MED15: variants seen among roughly 807,000 people sequenced by gnomAD.
The protein encoded by MED15 is mediator of RNA polymerase II transcription subunit 15.
MED15 carries 41 observed loss-of-function variants against 118.7 expected under a neutral mutation model. The ratio of observed to expected loss-of-function variants is 0.35; its 90% CI spans 0.27 to 0.45. The LOEUF is 0.45. Among genes scored for constraint, MED15 ranks in the 20% least tolerant of loss-of-function variants. MED15 has a pLI of 1.00. For synonymous variants in MED15, 436 were observed against 413.9 expected, an observed-to-expected ratio of 1.05 and a Z score of -0.65; for missense variants, 740 against 1,025.5, an observed-to-expected ratio of 0.72 and a Z score of 3.80.
At chr22:20,585,070 GC>G in intron 15 of MED15, 30 bp from the exon 16 acceptor site, 1 of 1,613,428 alleles carries the variant, frequency 6.2e-7, no homozygotes, top group African/African-American at 1.3e-5. Flanking sequence ...GGCCGCGTGT[GC>G]CAGGTGTGGT....
chr22:20,550,245 A>G (rs907650855), intron 2 of MED15, among the ~76,000 whole-genome samples: 2 of 152,060 alleles, frequency 1.3e-5, no homozygotes, highest in Non-Finnish European at 2.9e-5. Context: ...CTTTCCTATC[A>G]GTAATTGATG....
chr22:20,573,667 T>C (rs999544355), intron 8 of MED15: 3 of 152,250 alleles, frequency 2.0e-5, no homozygotes, highest in African/African-American at 7.2e-5. Flanking sequence ...TTCTCAGTTA[T>C]AAGAACATCA....
In MED15 at chr22:20,584,903, T is replaced by C. The variant is rs1442981270; in HGVS notation, c.1852T>C (p.Cys618Arg). ...PVPPTKQQYLCQPLLDAVLAN... is the reference protein window; with the variant it reads ...PVPPTKQQYLRQPLLDAVLAN... ...GCCACCGACCAAACAGCAGTACCTA[T>C]GCCAGCCGCTCCTGGATGCCGTCCT... Residue 618 changes from cysteine to arginine, a missense_variant, in exon 15 of 18, where the codon TGC becomes CGC. Physicochemically the swap from Cys to Arg is radical, Grantham distance 180. Transcript: ENST00000263205. 5 of 1,613,592 alleles carry C rather than the reference T, an allele frequency of 3.1e-6. No individual in the cohort carries two copies. Among genetic ancestry groups the C allele is most frequent in the Non-Finnish European group, 4.2e-6 (5 of 1,179,942 alleles).
intron 8 of MED15, among the ~76,000 whole-genome samples, chr22:20,569,416 T>C (rs2056561442): frequency 6.6e-6 from 1 of 152,152 alleles, no homozygotes; most frequent in African/African-American, 2.4e-5. Context: ...TGCTAGTTGA[T>C]GTGGTAAGAC....
chr22:20,566,532 G>A lies in MED15; in HGVS notation c.756G>A (p.Gln252=), dbSNP rs368721341. Reference sequence around the variant, plus strand: ...TGCAGCTCCAACAACAGCAACAGCAGCAGCAGCAGCAGCAGCAGCAGCAGC... The same window carrying A: ...TGCAGCTCCAACAACAGCAACAGCAACAGCAGCAGCAGCAGCAGCAGCAGC... ...AQLQLQQQQQ[Q]QQQQQQQQQQ... Residue 252 remains glutamine (Q), a synonymous_variant, in exon 7 of 18, where the codon CAG becomes CAA. Transcript: ENST00000263205. 9.8e-6 allele frequency: 15 copies of A among 1,533,640 alleles called. No individual in the cohort carries two copies. Among genetic ancestry groups the A allele is most frequent in the Non-Finnish European group, 1.3e-5 (15 of 1,119,734 alleles).
Position 20,566,517 on chromosome 22 carries a change from A to G in MED15, c.741A>G (p.Gln247=), listed in dbSNP as rs1569229610. The G allele has an allele frequency of 1.9e-6, 3 of 1,602,624 alleles. No homozygotes were observed. Among genetic ancestry groups the G allele is most frequent in the African/African-American group, 1.4e-5 (1 of 73,900 alleles). Reference sequence around the variant, plus strand: ...AGCGAATAGCACAGCTGCAGCTCCAACAACAGCAACAGCAGCAGCAGCAGC... The same window carrying G: ...AGCGAATAGCACAGCTGCAGCTCCAGCAACAGCAACAGCAGCAGCAGCAGC... ...QLQRIAQLQL[Q]QQQQQQQQQQ... The change falls in exon 7 of 18, where the codon CAA becomes CAG. Residue 247 remains glutamine, a synonymous_variant. Transcript: ENST00000263205.
At chr22:20,523,046 T>G (rs2054517150) in intron 1 of MED15, 1 of 152,234 alleles carries the variant, frequency 6.6e-6, no homozygotes, top group African/African-American at 2.4e-5. Context: ...AGGAAGGTGT[T>G]TTCCATACTC....
intron 1 of MED15, among the ~76,000 whole-genome samples, chr22:20,521,530 C>G (rs965110332): frequency 6.7e-6 from 1 of 149,314 alleles, no homozygotes; most frequent in Admixed American, 6.7e-5. Context: ...ACTACAGGCG[C>G]CCATCACCAC....
rs531593793 is a variant in MED15, at chr22:20,507,896, C to T, written c.68+150C>T. On this transcript the variant is annotated intron_variant, in intron 1 of 17. Coordinates refer to ENST00000263205, the MANE Select transcript of MED15 (RefSeq NM_001003891.3). ...GTGGGTCCCAGGGCTCGGGCCCCCC[C>T]GTCTGTCCCCTCCGTTCCCGACATG... is the stretch of plus-strand genomic sequence containing the variant. 54 of 1,474,094 alleles carry T rather than the reference C, an allele frequency of 3.7e-5. No homozygotes were observed. The African/African-American group carries it at 6.0e-4, about 16-fold the overall frequency. The allele number at this position is 1,474,094 out of a possible 1,614,324, so 91.3% of individuals were successfully genotyped here. A position where few individuals can be genotyped will look rare whatever the true frequency, so the allele number is the denominator to read the frequency against.
At chr22:20,551,812 C>T (rs573692740) in intron 3 of MED15, 132 of 361,604 alleles carry the variant, frequency 3.7e-4, no homozygotes, top group African/African-American at 2.6e-3. Context: ...TTCTGTTTAC[C>T]CTGGAACAGA....
At chr22:20,525,983 C>T (rs573533409) in intron 1 of MED15, among the ~76,000 whole-genome samples, 8 of 151,470 alleles carry the variant, frequency 5.3e-5, no homozygotes, top group South Asian at 2.1e-4. Context: ...TGTAGTGGCA[C>T]GATTTTGGCT....
rs57852873 is a variant in MED15, at chr22:20,547,692, C to T, written c.157-3744C>T. On this transcript the variant is annotated intron_variant, in intron 2 of 17. Transcript: ENST00000263205. ...AAAATTAGCCAGACGTGGTGGCAGG[C>T]GCCTGTAGTGCCAGCTACTTGGGAG... Among the ~76,000 whole-genome samples, 939 of 152,178 alleles carry T rather than the reference C, an allele frequency of 6.2e-3. 10 individuals carry two copies. The highest frequency in any genetic ancestry group is 0.021 in the African/African-American group (892 of 41,534).
chr22:20,564,550 G>A lies in MED15; in HGVS notation c.552G>A (p.Gln184=), dbSNP rs1236738125. ...QAALQQQQQQ[Q]QQQQFQAQQS... Reference sequence around the variant, plus strand: ...CGCTACAGCAGCAGCAGCAGCAGCAGCAACAGCAGCAGTTCCAGGCTCAGC... The same window carrying A: ...CGCTACAGCAGCAGCAGCAGCAGCAACAACAGCAGCAGTTCCAGGCTCAGC... Residue 184 remains glutamine (Q), a synonymous_variant, in exon 6 of 18, where the codon CAG becomes CAA. Coordinates refer to ENST00000263205, the MANE Select transcript of MED15 (RefSeq NM_001003891.3). The A allele has an allele frequency of 1.3e-5, 21 of 1,591,736 alleles. No individual in the cohort carries two copies. The highest frequency in any genetic ancestry group is 6.7e-5 in the East Asian group (3 of 44,636).
chr22:20,552,602 G>C, intron 3 of MED15: 1 of 427,552 alleles, frequency 2.3e-6, no homozygotes, highest in East Asian at 8.0e-5. Context: ...AAGCAGCCGA[G>C]CAGGAGGCTC....
At chr22:20,577,264 C>G (rs1037744005) in intron 9 of MED15, among the ~76,000 whole-genome samples, 2 of 152,150 alleles carry the variant, frequency 1.3e-5, no homozygotes, top group Non-Finnish European at 2.9e-5. Flanking sequence ...ACTGGGCACT[C>G]CTGGGTGGGC....
At chr22:20,581,177 C>T (rs1400294246) in intron 9 of MED15, among the ~76,000 whole-genome samples, 4 of 152,228 alleles carry the variant, frequency 2.6e-5, no homozygotes, top group Non-Finnish European at 5.9e-5. Flanking sequence ...ACCCAGCATC[C>T]CTTGCAGCAC....
chr22:20,587,464 C>T lies in MED15; in HGVS notation c.*760C>T, dbSNP rs1397103124. On this transcript the variant is annotated 3_prime_UTR_variant, in exon 18 of 18. Transcript: ENST00000263205. The stretch of plus-strand genomic sequence containing the variant: ...CCACACACTGAGCACCCAGAGACAG[C>T]GGGCCTGGCAGCGGGCCGGGCCATG... The T allele has an allele frequency of 9.7e-6, 2 of 206,248 alleles. No individual in the cohort carries two copies. The highest frequency in any genetic ancestry group is 9.9e-6 in the Non-Finnish European group (1 of 101,140). The allele number at this position is 206,248 out of a possible 1,614,324, so 12.8% of individuals were successfully genotyped here.
rs944311082 is a variant in MED15 at position 20,564,596 on chromosome 22, T to C, written c.598T>C (p.Phe200Leu). The change falls in exon 6 of 18, where the codon TTC becomes CTC. Residue 200 changes from phenylalanine (F) to leucine (L), a missense_variant. By Grantham distance (22) the Phe-to-Leu change is conservative. Transcript: ENST00000263205. ...TCAGCAGAGTGCCATGCAGCAGCAG[T>C]TCCAAGCAGTAGTGCAGCAGCAGCA... ...QAQQSAMQQQFQAVVQQQQQL... is the reference protein window; with the variant it reads ...QAQQSAMQQQLQAVVQQQQQL... 1.2e-6 allele frequency: 2 copies of C among 1,608,838 alleles called. No homozygotes were observed. The highest frequency in any genetic ancestry group is 1.7e-6 in the Non-Finnish European group (2 of 1,177,462).
At chr22:20,508,255 T>G in intron 1 of MED15, 3 of 1,292,366 alleles carry the variant, frequency 2.3e-6, no homozygotes, top group Non-Finnish European at 3.1e-6. Context: ...CCCGAAGGAA[T>G]GTGGACTTTG....
Sources: allele counts gnomAD v4.1 joint callset (sites outside exome capture counted in the v4.1 genomes callset), GRCh38; gene constraint gnomAD v4.1.1; transcripts MANE v1.5; gene names NCBI Gene and HGNC (gene_info 2026-07-23, HGNC 2026-07-21).